The following AGAP1 variants were observed in gnomAD, a reference collection of about 807,000 sequenced individuals.
AGAP1 encodes the protein arf-GAP with GTPase, ANK repeat and PH domain-containing protein 1.
A neutral mutation model predicts 105.3 loss-of-function variants in AGAP1; 29 were observed. The ratio of observed to expected loss-of-function variants is 0.28; its 90% CI spans 0.21 to 0.38. The LOEUF is 0.38. AGAP1 is among the 10% of genes least tolerant of loss of function. The pLI, the probability that AGAP1 is intolerant of heterozygous loss-of-function variation, is 1.00. For missense variants in AGAP1, 998 were observed against 1,165.1 expected (o/e 0.86, Z 2.09); for synonymous variants, 509 against 485.9 (o/e 1.05, Z -0.63).
At chr2:235,775,142 T>G (rs1317395392) in intron 6 of AGAP1, among the ~76,000 whole-genome samples, 1 of 151,982 alleles carries the variant, frequency 6.6e-6, no homozygotes, top group African/African-American at 2.4e-5. Flanking sequence ...AGAAGGTGAG[T>G]GGGGACAGAG....
intron 6 of AGAP1, among the ~76,000 whole-genome samples, chr2:235,763,073 C>CTGTGTGTGTGTGT (rs1411019322): frequency 1.7e-4 from 25 of 148,870 alleles, no homozygotes; most frequent in African/African-American, 6.1e-4. Flanking sequence ...CGCGCGCACA[C>CTGTGTGTGTGTGT]GTGCACCTGC....
intron 9 of AGAP1, among the ~76,000 whole-genome samples, chr2:235,880,674 A>G (rs571897604): frequency 6.6e-6 from 1 of 151,716 alleles, no homozygotes; most frequent in Non-Finnish European, 1.5e-5. Context: ...TGGGAGGCGG[A>G]GCTTGCAGTG....
intron 13 of AGAP1, among the ~76,000 whole-genome samples, chr2:236,033,170 G>C (rs2057278036): frequency 3.9e-5 from 6 of 152,150 alleles, no homozygotes; most frequent in Admixed American, 3.9e-4. Context: ...GCTTGAACTT[G>C]GGAGGCGGAG....
Position 235,671,070 on chromosome 2 carries a change from G to T in AGAP1, c.164-38109G>T, listed in dbSNP as rs1486360787. The stretch of plus-strand genomic sequence containing the variant: ...TCCCCGCGCAGAGGTGGGCAGCGTG[G>T]CCGGGGGTCCCGGGACGGGAAGGGG... On this transcript the variant is annotated intron_variant, in intron 1 of 17. Transcript: ENST00000304032. 3 of 1,262,494 alleles carry T rather than the reference G, an allele frequency of 2.4e-6. No homozygotes were observed. The African/African-American group carries it at 4.7e-5, about 20-fold the overall frequency. The allele number at this position is 1,262,494 out of a possible 1,614,324, so 78.2% of individuals were successfully genotyped here.
At chr2:235,922,573 A>G (rs765354599) in intron 11 of AGAP1, among the ~76,000 whole-genome samples, 13 of 152,230 alleles carry the variant, frequency 8.5e-5, no homozygotes, top group Non-Finnish European at 1.8e-4. Flanking sequence ...GTTATTGTAA[A>G]GATTTGTTGA....
chr2:235,602,261 G>A (rs149896808), intron 1 of AGAP1, among the ~76,000 whole-genome samples: 1 of 152,308 alleles, frequency 6.6e-6, no homozygotes, highest in Non-Finnish European at 1.5e-5. Context: ...ATGCCTGTTT[G>A]CTCAAATGTT....
chr2:235,909,847 C>A (rs376553179), intron 11 of AGAP1, among the ~76,000 whole-genome samples: 238 of 152,198 alleles, frequency 1.6e-3, no homozygotes, highest in African/African-American at 5.3e-3. Context: ...CTGGTGAAAC[C>A]CCGTCTCTAC....
At position 235,967,289 on chromosome 2, in the gene AGAP1, G is replaced by A. The variant is rs1226736066; in HGVS notation, c.1484-1173G>A. Among the ~76,000 whole-genome samples the A allele has an allele frequency of 6.6e-6, 1 of 152,060 alleles. No individual in the cohort carries two copies. Among genetic ancestry groups the A allele is most frequent in the Admixed American group, 6.6e-5 (1 of 15,266 alleles). The stretch of plus-strand genomic sequence containing the variant: ...CTTGATTCAGTGTCCCGTGCTCAGC[G>A]AGACCTACCCCAGCTACCCTATTTT... On this transcript the variant is annotated intron_variant, in intron 12 of 17. Coordinates refer to ENST00000304032, the MANE Select transcript of AGAP1 (RefSeq NM_001037131.3). The surrounding 1 kb of genome is among the most constrained non-coding windows in gnomAD (Gnocchi z 4.7).
At position 235,622,625 on chromosome 2, in the gene AGAP1, C is replaced by T. The variant is rs1220655166; in HGVS notation, c.164-86554C>T. ...TCAGCCAACGTCGGTTTTGAGAATG[C>T]GACCTATGAAATTGGGAGCCCTGGC... On this transcript the variant is annotated intron_variant, in intron 1 of 17. Transcript: ENST00000304032. The surrounding 1 kb of genome is among the most constrained non-coding windows in gnomAD (Gnocchi z 5.0). Among the ~76,000 whole-genome samples, 1 of 152,058 alleles carries T rather than the reference C, an allele frequency of 6.6e-6. No individual in the cohort carries two copies. Among genetic ancestry groups the T allele is most frequent in the Non-Finnish European group, 1.5e-5 (1 of 68,022 alleles).
intron 13 of AGAP1, among the ~76,000 whole-genome samples, chr2:235,998,831 ATGG>A (rs984068755): frequency 3.6e-5 from 5 of 140,288 alleles, no homozygotes; most frequent in Admixed American, 7.0e-5. Context: ...AGAGTTGGTG[ATGG>A]TGGTGGTTGT....
rs1276057193 is a variant in AGAP1, at chr2:236,078,354, C to T, written c.2114+29073C>T. Among the ~76,000 whole-genome samples, 1 of 152,092 alleles carries T rather than the reference C, an allele frequency of 6.6e-6. No homozygotes were observed. Among genetic ancestry groups the T allele is most frequent in the African/African-American group, 2.4e-5 (1 of 41,434 alleles). ...CACCTGCTTTCTCAAGGATAATTGC[C>T]TTTGTTTGGAGTCCATGGACTATAA... On this transcript the variant is annotated intron_variant, in intron 16 of 17. Coordinates refer to ENST00000304032, the MANE Select transcript of AGAP1 (RefSeq NM_001037131.3). This position sits in a 1 kb window ranked among gnomAD's most constrained non-coding sequence, Gnocchi z 5.3.
At chr2:235,698,196 G>T (rs990682465) in intron 1 of AGAP1, among the ~76,000 whole-genome samples, 3 of 152,104 alleles carry the variant, frequency 2.0e-5, no homozygotes, top group African/African-American at 7.2e-5. Context: ...TAATGCCGCC[G>T]CTGATATGAC....
At chr2:235,546,866 G>A (rs1943639376) in intron 1 of AGAP1, among the ~76,000 whole-genome samples, 1 of 152,180 alleles carries the variant, frequency 6.6e-6, no homozygotes, top group Non-Finnish European at 1.5e-5. Context: ...AGATGCTGCT[G>A]TGCATCTTGA....
chr2:235,790,961 A>G (rs971847232), intron 6 of AGAP1, among the ~76,000 whole-genome samples: 1 of 152,194 alleles, frequency 6.6e-6, no homozygotes, highest in Non-Finnish European at 1.5e-5. Flanking sequence ...TGGTTCACTG[A>G]TTGTCATTAA....
intron 1 of AGAP1, among the ~76,000 whole-genome samples, chr2:235,597,680 TG>T (rs1413210208): frequency 2.0e-5 from 3 of 151,612 alleles, no homozygotes; most frequent in African/African-American, 7.3e-5. Context: ...GGATTCCCGC[TG>T]GGGCCCTGTC....
Position 236,130,472 on chromosome 2 carries a change from C to G in AGAP1, c.*6350C>G, listed in dbSNP as rs1435104671. The G allele has an allele frequency of 6.6e-6, 1 of 152,232 alleles. No homozygotes were observed. Among genetic ancestry groups the G allele is most frequent in the African/African-American group, 2.4e-5 (1 of 41,428 alleles). The allele number at this position is 152,232 out of a possible 1,614,324, so 9.4% of individuals were successfully genotyped here. A position where few individuals can be genotyped will look rare whatever the true frequency, so the allele number is the denominator to read the frequency against. On this transcript the variant is annotated 3_prime_UTR_variant, in exon 18 of 18. Transcript: ENST00000304032. This position sits in a 1 kb window ranked among gnomAD's most constrained non-coding sequence, Gnocchi z 5.8. The stretch of plus-strand genomic sequence containing the variant: ...GGAGCAAACCCCCTTAACACACCAG[C>G]TGTTGGGAACAGCTGCCCCTAAATC...
In AGAP1 at chr2:236,089,017, C is replaced by A. The variant is rs1469336460; in HGVS notation, c.2115-31175C>A. On this transcript the variant is annotated intron_variant, in intron 16 of 17. Transcript: ENST00000304032. This position sits in a 1 kb window ranked among gnomAD's most constrained non-coding sequence, Gnocchi z 5.6. ...AAGAACTGGTTTGTATAATATGTTTCAAAGTACAGAAGGTAGAAGGTACAT... is the reference window on the plus strand; with the variant it reads ...AAGAACTGGTTTGTATAATATGTTTAAAAGTACAGAAGGTAGAAGGTACAT... Among the ~76,000 whole-genome samples, 4 of 152,176 alleles carry A rather than the reference C, an allele frequency of 2.6e-5. No individual in the cohort carries two copies. Among genetic ancestry groups the A allele is most frequent in the Non-Finnish European group, 1.5e-5 (1 of 68,044 alleles).
rs1483040776 is a variant in AGAP1, at chr2:235,988,471, C to T, written c.1645+19848C>T. Among the ~76,000 whole-genome samples the T allele has an allele frequency of 6.6e-6, 1 of 152,124 alleles. No homozygotes were observed. On this transcript the variant is annotated intron_variant, in intron 13 of 17. Transcript: ENST00000304032. This position sits in a 1 kb window ranked among gnomAD's most constrained non-coding sequence, Gnocchi z 4.7. ...TAAATGCCACCCCCAACCCCCGCCC[C>T]GAAGTCAGGAAGTGATTTCTGAACT...
At chr2:235,699,874 A>G (rs978550583) in intron 1 of AGAP1, among the ~76,000 whole-genome samples, 6 of 152,184 alleles carry the variant, frequency 3.9e-5, no homozygotes, top group Non-Finnish European at 7.4e-5. Flanking sequence ...GCTTTGCCAG[A>G]AGTGCCAGGG....
Sources: gnomAD v4.1 joint callset for allele counts (sites outside exome capture counted in the v4.1 genomes callset) on GRCh38, gnomAD v4.1.1 for gene constraint, Gnocchi (gnomAD v3.1) non-coding constraint, MANE v1.5 for transcripts, NCBI Gene and HGNC (gene_info 2026-07-23, HGNC 2026-07-21) for gene names.